Variants in NAALADL2 observed in about 807,000 individuals in gnomAD.
NAALADL2 encodes the protein inactive N-acetylated-alpha-linked acidic dipeptidase-like protein 2.
A neutral mutation model predicts 87.2 loss-of-function variants in NAALADL2; 76 were observed. That is an observed-to-expected ratio of 0.87 (90% CI 0.72 to 1.05). NAALADL2 has a LOEUF of 1.05. Ranked by LOEUF, NAALADL2 falls within the 50% of genes least tolerant of loss-of-function variation. The pLI is 0.00. For missense variants in NAALADL2, 1,089 were observed against 945.8 expected (o/e 1.15, Z -1.99); for synonymous variants, 354 against 331.0 (o/e 1.07, Z -0.75).
intron 12 of NAALADL2, among the ~76,000 whole-genome samples, chr3:175,746,697 C>T (rs189120086): frequency 1.0e-3 from 154 of 152,230 alleles, no homozygotes; most frequent in African/African-American, 3.3e-3. Flanking sequence ...TTGACAAGGA[C>T]GTAAACTCTA....
intron 1 of NAALADL2, among the ~76,000 whole-genome samples, chr3:174,488,349 C>T (rs1013722974): frequency 2.6e-5 from 4 of 151,838 alleles, no homozygotes; most frequent in South Asian, 2.1e-4. Flanking sequence ...GTTTTGTCAC[C>T]TCTAATAAGA....
intron 3 of NAALADL2, among the ~76,000 whole-genome samples, chr3:174,835,743 T>G (rs1723259822): frequency 6.6e-6 from 1 of 152,140 alleles, no homozygotes; most frequent in Non-Finnish European, 1.5e-5. Context: ...CCAACAAGCA[T>G]GTGAAAAGAT....
At chr3:174,880,819 G>A (rs1478102868) in intron 1 of NAALADL2, among the ~76,000 whole-genome samples, 3 of 152,092 alleles carry the variant, frequency 2.0e-5, no homozygotes, top group African/African-American at 7.2e-5. Flanking sequence ...TAATTCTGAA[G>A]GGCAGAAATC....
chr3:175,430,312 T>C (rs1717538981), intron 5 of NAALADL2, among the ~76,000 whole-genome samples: 1 of 151,736 alleles, frequency 6.6e-6, no homozygotes, highest in South Asian at 2.1e-4. Flanking sequence ...TACATACATA[T>C]ACATATATAC....
chr3:175,760,863 C>G (rs1747911005), intron 13 of NAALADL2, among the ~76,000 whole-genome samples: 1 of 152,122 alleles, frequency 6.6e-6, no homozygotes, highest in Non-Finnish European at 1.5e-5. Context: ...TTTTCTTAAA[C>G]AAATTGATAG....
At chr3:174,536,475 C>A (rs1721735023) in intron 1 of NAALADL2, 1 of 152,128 alleles carries the variant, frequency 6.6e-6, no homozygotes. Context: ...CTCCCCTATT[C>A]TGTAAGAAGC....
intron 1 of NAALADL2, among the ~76,000 whole-genome samples, chr3:175,087,342 T>C (rs1413830957): frequency 1.3e-5 from 2 of 152,108 alleles, no homozygotes; most frequent in Non-Finnish European, 2.9e-5. Flanking sequence ...GGGGCGCCTC[T>C]GCACGGCCGC....
At chr3:174,507,887 GT>G (rs1461479546) in intron 1 of NAALADL2, among the ~76,000 whole-genome samples, 1 of 152,008 alleles carries the variant, frequency 6.6e-6, no homozygotes, top group Non-Finnish European at 1.5e-5. Flanking sequence ...ATGGATATAA[GT>G]TTTTATTTTC....
chr3:174,569,775 A>C (rs114487546), intron 2 of NAALADL2, among the ~76,000 whole-genome samples: 91 of 152,274 alleles, frequency 6.0e-4, no homozygotes, highest in African/African-American at 2.1e-3. Context: ...TGCTTTAAGT[A>C]TTCAAGGATG....
chr3:175,507,094 C>T (rs1001396824), intron 9 of NAALADL2, among the ~76,000 whole-genome samples: 9 of 151,582 alleles, frequency 5.9e-5, no homozygotes, highest in Admixed American at 5.2e-4. Context: ...AATATTTTTT[C>T]CTACCCTTAG....
chr3:174,903,628 A>G (rs1732566818), intron 1 of NAALADL2, among the ~76,000 whole-genome samples: 1 of 151,514 alleles, frequency 6.6e-6, no homozygotes, highest in Non-Finnish European at 1.5e-5. Flanking sequence ...TTTAACTGGC[A>G]TATGAATGTT....
rs527756084 is a variant in NAALADL2, at chr3:175,486,756, C to T, written c.1653+14998C>T. Among the ~76,000 whole-genome samples, 10 of 152,106 alleles carry T rather than the reference C, an allele frequency of 6.6e-5. No homozygotes were observed. The South Asian group carries it at 1.9e-3, about 28-fold the overall frequency. On this transcript the variant is annotated intron_variant, in intron 9 of 13. Coordinates refer to ENST00000454872, the MANE Select transcript of NAALADL2 (RefSeq NM_207015.3). ...TTTTTTTTCTTTTCAGTCTTCTGTG[C>T]GATATCAGGCACCTTAACTCTCACT... is the stretch of plus-strand genomic sequence containing the variant.
At chr3:175,448,020 A>G (rs1267214679) in intron 6 of NAALADL2, among the ~76,000 whole-genome samples, 2 of 152,142 alleles carry the variant, frequency 1.3e-5, no homozygotes, top group African/African-American at 2.4e-5. Flanking sequence ...TTTGCTAGGA[A>G]CTACACCTTG....
intron 2 of NAALADL2, among the ~76,000 whole-genome samples, chr3:175,199,819 A>G (rs1220514291): frequency 4.7e-5 from 1 of 21,346 alleles, no homozygotes; most frequent in Non-Finnish European, 1.1e-4. Flanking sequence ...GGGGGAAAGA[A>G]ATATATATAT....
intron 1 of NAALADL2, among the ~76,000 whole-genome samples, chr3:174,926,775 T>C (rs1237829241): frequency 6.6e-6 from 1 of 152,112 alleles, no homozygotes; most frequent in African/African-American, 2.4e-5. Context: ...AGATCATCGA[T>C]GCTAGGAAGA....
At chr3:174,840,897 G>A (rs976401989) in intron 3 of NAALADL2, among the ~76,000 whole-genome samples, 1 of 152,036 alleles carries the variant, frequency 6.6e-6, no homozygotes, top group African/African-American at 2.4e-5. Context: ...CTAGCTGGTA[G>A]GTAGTCAGCA....
chr3:175,281,438 ATGTG>A (rs999806221), intron 4 of NAALADL2, among the ~76,000 whole-genome samples: 82 of 152,040 alleles, frequency 5.4e-4, no homozygotes, highest in Admixed American at 2.9e-3. Flanking sequence ...CACCTTTGCA[ATGTG>A]TGTATTTTTA....
intron 6 of NAALADL2, chr3:175,459,907 G>T: frequency 6.7e-6 from 2 of 300,382 alleles, no homozygotes; most frequent in East Asian, 9.3e-5. Flanking sequence ...ATATCTCTCT[G>T]TATTCTTTTC....
intron 2 of NAALADL2, among the ~76,000 whole-genome samples, chr3:174,617,803 C>T (rs910452849): frequency 1.3e-5 from 2 of 151,634 alleles, no homozygotes; most frequent in African/African-American, 4.8e-5. Flanking sequence ...GGGGAATGGA[C>T]TTATTTTTTT....
Sources: allele counts gnomAD v4.1 joint callset (sites outside exome capture counted in the v4.1 genomes callset), GRCh38; gene constraint gnomAD v4.1.1; transcripts MANE v1.5; gene names NCBI Gene and HGNC (gene_info 2026-07-23, HGNC 2026-07-21).